ERG: variants seen among roughly 807,000 people sequenced by gnomAD.
The protein encoded by ERG is ETS transcription factor ERG.
ERG carries 9 observed loss-of-function variants against 55.3 expected under a neutral mutation model. That is an observed-to-expected ratio of 0.16 (90% CI 0.10 to 0.28). The LOEUF (loss-of-function observed/expected upper bound fraction) is 0.28. Ranked by LOEUF, ERG falls within the 10% of genes least tolerant of loss-of-function variation. ERG has a pLI of 1.00. For synonymous variants in ERG, 223 were observed against 237.3 expected (o/e 0.94, Z 0.55); for missense variants, 434 against 631.6 (o/e 0.69, Z 3.35).
intron 1 of ERG, among the ~76,000 whole-genome samples, chr21:38,643,000 G>T (rs2060434359): frequency 1.3e-5 from 2 of 152,152 alleles, no homozygotes. Context: ...CCACTTTTAT[G>T]CCTACTCTTT....
At chr21:38,486,477 C>T (rs927449140) in intron 1 of ERG, among the ~76,000 whole-genome samples, 1 of 152,146 alleles carries the variant, frequency 6.6e-6, no homozygotes, top group African/African-American at 2.4e-5. Context: ...TCAGAACTGA[C>T]CGGGCATGGT....
chr21:38,380,517 G>A lies in ERG; in HGVS notation c.*2886C>T, dbSNP rs775771578. ...ATCTCTTGCCAGCAGGAGTAAGATT[G>A]TACAGGAGTCTGAGTATACATCAGG... On this transcript the variant is annotated 3_prime_UTR_variant, in exon 10 of 10. Coordinates refer to ENST00000288319, the MANE Select transcript of ERG (RefSeq NM_182918.4). The A allele has an allele frequency of 9.4e-7, 1 of 1,065,608 alleles. No individual in the cohort carries two copies. The highest frequency in any genetic ancestry group is 1.1e-6 in the Non-Finnish European group (1 of 879,554). The allele number at this position is 1,065,608 out of a possible 1,614,324, so 66.0% of individuals were successfully genotyped here.
intron 1 of ERG, among the ~76,000 whole-genome samples, chr21:38,650,608 G>A (rs748732149): frequency 8.6e-5 from 13 of 150,374 alleles, no homozygotes; most frequent in Non-Finnish European, 1.8e-4. Flanking sequence ...CTGCACTCCA[G>A]CCTGCGCAAC....
chr21:38,489,655 A>G (rs1035519311), intron 1 of ERG, among the ~76,000 whole-genome samples: 6 of 152,372 alleles, frequency 3.9e-5, no homozygotes, highest in South Asian at 4.1e-4. Flanking sequence ...GAAAAGTTAG[A>G]ACTCAAAAGG....
At chr21:38,420,303 C>CGTGT (rs34803336) in intron 3 of ERG, among the ~76,000 whole-genome samples, 12 of 148,722 alleles carry the variant, frequency 8.1e-5, no homozygotes, top group East Asian at 2.1e-4. Context: ...TGTGTGTGTG[C>CGTGT]GTGTGTGTGT....
At chr21:38,608,358 A>T (rs2060207884) in intron 1 of ERG, among the ~76,000 whole-genome samples, 1 of 152,238 alleles carries the variant, frequency 6.6e-6, no homozygotes, top group Non-Finnish European at 1.5e-5. Context: ...AAAATTATTT[A>T]TTAGGGATAA....
chr21:38,583,874 C>T (rs1224525102), intron 1 of ERG, among the ~76,000 whole-genome samples: 1 of 152,236 alleles, frequency 6.6e-6, no homozygotes, highest in African/African-American at 2.4e-5. Context: ...TGATCTTGGA[C>T]ATCCAGCCTC....
intron 7 of ERG, 77 bp downstream of exon 7, chr21:38,392,299 A>G (rs1159310876): frequency 2.4e-6 from 3 of 1,247,344 alleles, no homozygotes; most frequent in Non-Finnish European, 3.5e-6. Flanking sequence ...TTAACCACAG[A>G]AATTATTATA....
chr21:38,657,544 CTCTT>C (rs1285887097), intron 1 of ERG, among the ~76,000 whole-genome samples: 2 of 152,180 alleles, frequency 1.3e-5, no homozygotes, highest in East Asian at 3.9e-4. Flanking sequence ...GCATTCAAGC[CTCTT>C]TCTAATATGA....
At chr21:38,586,290 A>G (rs2060064586), upstream of ERG, among the ~76,000 whole-genome samples, 1 of 149,452 alleles carries the variant, frequency 6.7e-6, no homozygotes, top group Non-Finnish European at 1.5e-5. Flanking sequence ...TCACATACTT[A>G]TTTTTTTGTG....
At chr21:38,601,916 C>G (rs1008705263) in intron 1 of ERG, among the ~76,000 whole-genome samples, 1 of 152,150 alleles carries the variant, frequency 6.6e-6, no homozygotes, top group Non-Finnish European at 1.5e-5. Flanking sequence ...GTGTCTCCCT[C>G]TGTTGCCCAG....
intron 1 of ERG, among the ~76,000 whole-genome samples, chr21:38,616,468 A>G (rs762170321): frequency 1.3e-5 from 2 of 152,150 alleles, no homozygotes; most frequent in Non-Finnish European, 2.9e-5. Context: ...AAATGTTTTC[A>G]TGAATAAGAA....
intron 3 of ERG, among the ~76,000 whole-genome samples, chr21:38,415,003 T>C (rs1206725628): frequency 6.6e-6 from 1 of 152,166 alleles, no homozygotes; most frequent in Non-Finnish European, 1.5e-5. Flanking sequence ...TCCACCTCCT[T>C]TGTTTACTTA....
At chr21:38,497,785 G>C (rs1026042531) in intron 1 of ERG, among the ~76,000 whole-genome samples, 1 of 152,080 alleles carries the variant, frequency 6.6e-6, no homozygotes, top group Non-Finnish European at 1.5e-5. Context: ...ACATATAGTG[G>C]AACAAACCAA....
At chr21:38,656,808 G>A (rs115164801) in intron 1 of ERG, among the ~76,000 whole-genome samples, 1 of 152,160 alleles carries the variant, frequency 6.6e-6, no homozygotes, top group Admixed American at 6.5e-5. Context: ...CTGACATCAA[G>A]TGAAAATAAG....
At position 38,403,554 on chromosome 21, in the gene ERG, TG is replaced by T. The variant is rs1569069402; in HGVS notation, c.543del (p.Ser182AlafsTer22). The T allele has an allele frequency of 6.2e-7, 1 of 1,614,048 alleles. No homozygotes were observed. The highest frequency in any genetic ancestry group is 8.5e-7 in the Non-Finnish European group (1 of 1,180,026). ...MTKDDFQRLT[P>X]SYNADILLSH... ...GAGAGAAGGATGTCGGCGTTGTAGCTGGGGGTGAGCCTCTGGAAGTCGTCCT... is the reference window on the plus strand; with the variant it reads ...GAGAGAAGGATGTCGGCGTTGTAGCTGGGGTGAGCCTCTGGAAGTCGTCCT... On this transcript the variant is annotated frameshift_variant, in exon 4 of 10. Transcript: ENST00000288319. LOFTEE classifies it high-confidence loss of function.
chr21:38,580,551 A>C (rs2060022538), intron 1 of ERG, among the ~76,000 whole-genome samples: 1 of 152,190 alleles, frequency 6.6e-6, no homozygotes, highest in Admixed American at 6.5e-5. Flanking sequence ...TGTTTCTTGC[A>C]ATAAACTCAT....
intron 1 of ERG, among the ~76,000 whole-genome samples, chr21:38,623,290 C>G (rs1210705792): frequency 1.4e-5 from 2 of 147,198 alleles, no homozygotes; most frequent in Non-Finnish European, 3.0e-5. Context: ...ATACTCAACA[C>G]TCCACCCACA....
intron 1 of ERG, among the ~76,000 whole-genome samples, chr21:38,644,916 A>G (rs1052231742): frequency 6.6e-6 from 1 of 152,060 alleles, no homozygotes; most frequent in African/African-American, 2.4e-5. Context: ...TAGCATTTTG[A>G]GGGGCCAAGG....
Sources: allele counts gnomAD v4.1 joint callset (sites outside exome capture counted in the v4.1 genomes callset), GRCh38; gene constraint gnomAD v4.1.1; transcripts MANE v1.5; gene names NCBI Gene and HGNC (gene_info 2026-07-23, HGNC 2026-07-21).